Variants in CSNK1A1 observed in about 807,000 individuals in gnomAD.
CSNK1A1 encodes casein kinase I isoform alpha.
CSNK1A1 carries 7 observed loss-of-function variants against 46.1 expected under a neutral mutation model. That is an observed-to-expected ratio of 0.15 (90% CI 0.09 to 0.29). The LOEUF (loss-of-function observed/expected upper bound fraction) is 0.29. Among genes scored for constraint, CSNK1A1 ranks in the 10% least tolerant of loss-of-function variants. The pLI is 1.00. For missense variants in CSNK1A1, 96 were observed against 417.1 expected (o/e 0.23, Z 6.71); for synonymous variants, 137 against 141.5 (o/e 0.97, Z 0.23).
chr5:149,545,607 C>T, intron 2 of CSNK1A1: 1 of 838,810 alleles, frequency 1.2e-6, no homozygotes, highest in Non-Finnish European at 2.0e-6. Flanking sequence ...TGGGCTTAAC[C>T]TCCTTGGGCT....
intron 2 of CSNK1A1, among the ~76,000 whole-genome samples, chr5:149,529,926 T>C (rs1046255136): frequency 6.6e-6 from 1 of 152,102 alleles, no homozygotes. Context: ...AATGTCTTCA[T>C]GAAAATGGGA....
At position 149,496,629 on chromosome 5, in the gene CSNK1A1, C is replaced by A; in HGVS notation, c.*224G>T. The A allele has an allele frequency of 2.3e-6, 1 of 444,330 alleles. No individual in the cohort carries two copies. The highest frequency in any genetic ancestry group is 7.7e-5 in the South Asian group (1 of 13,020). 27.5% of individuals were successfully genotyped at this position (444,330 alleles called of 1,614,324 possible). ...CAATAGAAAACCGGACACCATGTTTCACTATCTCAGTTAATATTCACAATT... is the reference window on the plus strand; with the variant it reads ...CAATAGAAAACCGGACACCATGTTTAACTATCTCAGTTAATATTCACAATT... On this transcript the variant is annotated 3_prime_UTR_variant, in exon 10 of 10. Coordinates refer to ENST00000377843, the MANE Select transcript of CSNK1A1 (RefSeq NM_001892.6).
At position 149,494,165 on chromosome 5, in the gene CSNK1A1, G is replaced by A. The variant is rs904444669; in HGVS notation, c.*2688C>T. On this transcript the variant is annotated 3_prime_UTR_variant, in exon 10 of 10. Coordinates refer to ENST00000377843, the MANE Select transcript of CSNK1A1 (RefSeq NM_001892.6). ...TGAAATTAAACTTATGACTATTACAGTATGCTCAGCTTAAAACATTTATGA... is the reference window on the plus strand; with the variant it reads ...TGAAATTAAACTTATGACTATTACAATATGCTCAGCTTAAAACATTTATGA... 3 of 152,084 alleles carry A rather than the reference G, an allele frequency of 2.0e-5. No homozygotes were observed. The highest frequency in any genetic ancestry group is 4.8e-5 in the African/African-American group (2 of 41,414). The allele number at this position is 152,084 out of a possible 1,614,324, so 9.4% of individuals were successfully genotyped here.
At chr5:149,549,675 AT>A (rs1403454765) in intron 2 of CSNK1A1, among the ~76,000 whole-genome samples, 1 of 152,212 alleles carries the variant, frequency 6.6e-6, no homozygotes, top group Non-Finnish European at 1.5e-5. Context: ...GCCAGCTCCA[AT>A]AGCAACTCGA....
In CSNK1A1 at chr5:149,502,266, A is replaced by G. The variant is rs1286171267; in HGVS notation, c.1006+3181T>C. 1.5e-5 allele frequency: 14 copies of G among 939,026 alleles called. No individual in the cohort carries two copies. The African/African-American group carries it at 2.3e-4, about 15-fold the overall frequency. The allele number at this position is 939,026 out of a possible 1,614,324, so 58.2% of individuals were successfully genotyped here. On this transcript the variant is annotated intron_variant, in intron 9 of 9. Coordinates refer to ENST00000377843, the MANE Select transcript of CSNK1A1 (RefSeq NM_001892.6). ...TTAGAGATTTACTTGCTTAAAATAC[A>G]CTTATGAAACTTAGTTCAATAATAC... is the stretch of plus-strand genomic sequence containing the variant.
intron 7 of CSNK1A1, among the ~76,000 whole-genome samples, 196 bp from the exon 8 acceptor site, chr5:149,507,329 G>A (rs1260332690): frequency 6.6e-6 from 1 of 152,016 alleles, no homozygotes; most frequent in Admixed American, 6.6e-5. Context: ...ACCCTATTAT[G>A]TACAATATTA....
intron 9 of CSNK1A1, chr5:149,499,097 T>G: frequency 4.1e-6 from 4 of 985,352 alleles, no homozygotes; most frequent in Non-Finnish European, 4.8e-6. Flanking sequence ...GTTACTGAAG[T>G]ATGTTTAGGA....
chr5:149,549,818 A>G (rs930921794), intron 2 of CSNK1A1, among the ~76,000 whole-genome samples: 9 of 152,226 alleles, frequency 5.9e-5, no homozygotes, highest in African/African-American at 1.7e-4. Context: ...ACCTGCACGC[A>G]TAACTGCAAA....
chr5:149,495,624 T>C lies in CSNK1A1; in HGVS notation c.*1229A>G, dbSNP rs929101864. On this transcript the variant is annotated 3_prime_UTR_variant, in exon 10 of 10. Coordinates refer to ENST00000377843, the MANE Select transcript of CSNK1A1 (RefSeq NM_001892.6). ...AAGTATTTTAAAGAAAAATGTTTTGTAGGGAAACCCTTTAATGCTTTCATT... is the reference window on the plus strand; with the variant it reads ...AAGTATTTTAAAGAAAAATGTTTTGCAGGGAAACCCTTTAATGCTTTCATT... The C allele has an allele frequency of 6.6e-6, 1 of 152,242 alleles. No homozygotes were observed. Among genetic ancestry groups the C allele is most frequent in the African/African-American group, 2.4e-5 (1 of 41,340 alleles). 9.4% of individuals were successfully genotyped at this position (152,242 alleles called of 1,614,324 possible). A position where few individuals can be genotyped will look rare whatever the true frequency, so the allele number is the denominator to read the frequency against.
chr5:149,541,197 G>A (rs1762218893), intron 2 of CSNK1A1, among the ~76,000 whole-genome samples: 1 of 147,580 alleles, frequency 6.8e-6, no homozygotes, highest in Non-Finnish European at 1.5e-5. Context: ...CTGTCACCCA[G>A]GCCAGAGTGC....
At chr5:149,521,371 G>A (rs1048521560) in intron 3 of CSNK1A1, among the ~76,000 whole-genome samples, 16 of 150,660 alleles carry the variant, frequency 1.1e-4, no homozygotes, top group African/African-American at 3.7e-4. Flanking sequence ...CCAGGCTCCA[G>A]TGATCCTCAC....
intron 6 of CSNK1A1, among the ~76,000 whole-genome samples, chr5:149,511,059 C>G (rs1388137205): frequency 2.0e-5 from 3 of 152,296 alleles, no homozygotes; most frequent in African/African-American, 7.2e-5. Context: ...ACAGTGGTGA[C>G]TCACACCTGT....
chr5:149,542,632 A>ACATGTATGTG (rs1762304252), intron 2 of CSNK1A1, among the ~76,000 whole-genome samples: 2 of 10,354 alleles, frequency 1.9e-4, no homozygotes, highest in African/African-American at 1.3e-3. Context: ...ATATATATAT[A>ACATGTATGTG]TATATATGTA....
intron 2 of CSNK1A1, among the ~76,000 whole-genome samples, chr5:149,529,324 G>A (rs1165021502): frequency 6.6e-6 from 1 of 152,154 alleles, no homozygotes; most frequent in Non-Finnish European, 1.5e-5. Context: ...TGAAGATAAT[G>A]CCAAGAGAAG....
chr5:149,523,413 A>T lies in CSNK1A1; in HGVS notation c.357+1632T>A, dbSNP rs111801768. 9.0e-4 allele frequency among the ~76,000 whole-genome samples: 137 copies of T among 152,326 alleles called. 2 individuals are homozygous for T. Among genetic ancestry groups the T allele is most frequent in the African/African-American group, 3.0e-3 (126 of 41,570 alleles). On this transcript the variant is annotated intron_variant, in intron 3 of 9. Transcript: ENST00000377843. ...GCTCAGGCTGGAGTGCAGTGGCATT[A>T]TTATAGCTCACTGTAGCCTGGAACT...
intron 2 of CSNK1A1, among the ~76,000 whole-genome samples, chr5:149,540,747 C>T (rs1251879146): frequency 6.6e-6 from 1 of 152,112 alleles, no homozygotes; most frequent in Non-Finnish European, 1.5e-5. Flanking sequence ...TAGTCCTTAT[C>T]TCAACAGAGA....
intron 9 of CSNK1A1, 88 bp from the exon 10 acceptor site, chr5:149,496,948 G>A (rs1446903533): frequency 2.0e-6 from 3 of 1,503,644 alleles, no homozygotes; most frequent in South Asian, 1.3e-5. Context: ...GGGTGGAACT[G>A]AGCCAATAAT....
intron 7 of CSNK1A1, among the ~76,000 whole-genome samples, chr5:149,507,730 C>T (rs1761082836): frequency 1.3e-5 from 2 of 152,162 alleles, no homozygotes; most frequent in Admixed American, 1.3e-4. Flanking sequence ...TCCTTGGTCT[C>T]CCACAGTGCT....
intron 2 of CSNK1A1, among the ~76,000 whole-genome samples, chr5:149,531,097 A>G (rs1351428228): frequency 2.0e-5 from 3 of 151,868 alleles, no homozygotes; most frequent in Non-Finnish European, 2.9e-5. Context: ...TTTGCCATTC[A>G]TTATACACAG....
Sources: allele counts gnomAD v4.1 joint callset (sites outside exome capture counted in the v4.1 genomes callset), GRCh38; gene constraint gnomAD v4.1.1; transcripts MANE v1.5; gene names NCBI Gene and HGNC (gene_info 2026-07-23, HGNC 2026-07-21).